Variants in MACROD2 observed in about 807,000 individuals in gnomAD.
MACROD2 encodes the protein mono-ADP ribosylhydrolase 2, also known as ADP-ribose glycohydrolase MACROD2.
A neutral mutation model predicts 70.4 loss-of-function variants in MACROD2; 36 were observed. The observed-to-expected ratio is 0.51, with a 90% CI of 0.39 to 0.68. The LOEUF is 0.68. Among genes scored for constraint, MACROD2 ranks in the 30% least tolerant of loss-of-function variants. The pLI is 0.00. For synonymous variants in MACROD2, 172 were observed against 178.8 expected (o/e 0.96, Z 0.30); for missense variants, 496 against 538.4 (o/e 0.92, Z 0.78).
intron 6 of MACROD2, among the ~76,000 whole-genome samples, chr20:15,390,866 A>G (rs1337074922): frequency 6.6e-6 from 1 of 152,260 alleles, no homozygotes; most frequent in Admixed American, 6.5e-5. Context: ...TATTTAAGTC[A>G]GAGAACTTAC....
chr20:15,498,968 T>C (rs1009326825), intron 7 of MACROD2, among the ~76,000 whole-genome samples: 1 of 152,320 alleles, frequency 6.6e-6, no homozygotes, highest in African/African-American at 2.4e-5. Context: ...GTAGCATAGT[T>C]ACTCCTATCT....
At chr20:14,779,332 G>A (rs2072271122) in intron 5 of MACROD2, among the ~76,000 whole-genome samples, 1 of 152,004 alleles carries the variant, frequency 6.6e-6, no homozygotes, top group African/African-American at 2.4e-5. Flanking sequence ...TAGACACATG[G>A]CACCTTTTAC....
intron 4 of MACROD2, among the ~76,000 whole-genome samples, chr20:14,676,996 G>C (rs908601627): frequency 6.6e-6 from 1 of 152,030 alleles, no homozygotes; most frequent in African/African-American, 2.4e-5. Flanking sequence ...TTAGAACTTT[G>C]TCTTGGTTCT....
At chr20:14,346,155 G>A (rs1028262107) in intron 3 of MACROD2, among the ~76,000 whole-genome samples, 1 of 147,478 alleles carries the variant, frequency 6.8e-6, no homozygotes, top group Non-Finnish European at 1.5e-5. Context: ...TGAAAATCAG[G>A]CTTGCATTTT....
At chr20:15,848,370 G>A (rs1471771253) in intron 8 of MACROD2, among the ~76,000 whole-genome samples, 2 of 151,944 alleles carry the variant, frequency 1.3e-5, no homozygotes, top group Admixed American at 1.3e-4. Context: ...AGGGGGAGGG[G>A]GGGGTCATCT....
chr20:14,307,803 T>G (rs1342717387), intron 3 of MACROD2, among the ~76,000 whole-genome samples: 2 of 152,180 alleles, frequency 1.3e-5, no homozygotes, highest in African/African-American at 2.4e-5. Context: ...ATTATTTGCC[T>G]CCTTTTCTAG....
intron 3 of MACROD2, among the ~76,000 whole-genome samples, chr20:14,376,292 G>A (rs2083369909): frequency 6.6e-6 from 1 of 151,704 alleles, no homozygotes; most frequent in African/African-American, 2.4e-5. Context: ...TTACACTTTT[G>A]CTAGTGTCGT....
chr20:15,598,119 C>T (rs535705006), intron 8 of MACROD2, among the ~76,000 whole-genome samples: 85 of 152,240 alleles, frequency 5.6e-4, no homozygotes, highest in African/African-American at 1.8e-3. Flanking sequence ...GAAGGATGAC[C>T]ACACCCCACT....
intron 17 of MACROD2, 109 bp from the exon 18 acceptor site, chr20:16,049,721 A>G (rs1414797070): frequency 9.4e-7 from 1 of 1,067,276 alleles, no homozygotes; most frequent in Non-Finnish European, 1.4e-6. Flanking sequence ...TTCTGGGCCT[A>G]TGTGAGGGGT....
chr20:14,804,892 T>TGTGTGTGTGA (rs1555832707), intron 5 of MACROD2, among the ~76,000 whole-genome samples: 1 of 148,628 alleles, frequency 6.7e-6, no homozygotes, highest in African/African-American at 2.5e-5. Flanking sequence ...TGTGTGTGTG[T>TGTGTGTGTGA]GAGAGAGAGA....
intron 5 of MACROD2, among the ~76,000 whole-genome samples, chr20:15,074,706 G>A (rs576024219): frequency 2.0e-5 from 3 of 152,090 alleles, no homozygotes; most frequent in African/African-American, 7.2e-5. Context: ...TTGCTTGCTT[G>A]GTGTGGAATG....
intron 4 of MACROD2, among the ~76,000 whole-genome samples, chr20:14,640,457 C>T (rs1040081119): frequency 6.6e-5 from 10 of 152,030 alleles, no homozygotes; most frequent in Admixed American, 3.3e-4. Flanking sequence ...AGGATGCAGA[C>T]ATATATACAT....
At chr20:15,707,007 G>A (rs922524127) in intron 8 of MACROD2, among the ~76,000 whole-genome samples, 3 of 152,110 alleles carry the variant, frequency 2.0e-5, no homozygotes, top group Non-Finnish European at 2.9e-5. Flanking sequence ...TTTGTAGCTG[G>A]ATTTACAAAG....
chr20:14,439,337 C>T (rs900603576), intron 3 of MACROD2, among the ~76,000 whole-genome samples: 1 of 152,082 alleles, frequency 6.6e-6, no homozygotes, highest in Non-Finnish European at 1.5e-5. Flanking sequence ...TGTGATGCCT[C>T]TAACCGTATT....
chr20:14,866,355 G>A (rs1163527192), intron 5 of MACROD2, among the ~76,000 whole-genome samples: 1 of 152,068 alleles, frequency 6.6e-6, no homozygotes, highest in Non-Finnish European at 1.5e-5. Flanking sequence ...CATCCAAAGT[G>A]CACTCCCTTC....
intron 3 of MACROD2, among the ~76,000 whole-genome samples, chr20:14,208,381 C>T (rs779135296): frequency 2.0e-5 from 3 of 152,158 alleles, no homozygotes; most frequent in Non-Finnish European, 4.4e-5. Context: ...GGGTACCTTT[C>T]TGGGATAGTG....
chr20:15,794,362 A>G (rs1186323582), intron 8 of MACROD2, among the ~76,000 whole-genome samples: 1 of 152,194 alleles, frequency 6.6e-6, no homozygotes, highest in Non-Finnish European at 1.5e-5. Context: ...TGAATAACAC[A>G]TACAAACAAA....
intron 2 of MACROD2, among the ~76,000 whole-genome samples, chr20:14,012,562 C>CA (rs2052926857): frequency 1.3e-5 from 2 of 152,238 alleles, no homozygotes; most frequent in South Asian, 4.1e-4. Context: ...TGAGGGATTG[C>CA]AGCTGCAGAC....
intron 5 of MACROD2, among the ~76,000 whole-genome samples, chr20:14,720,027 T>G (rs138575709): frequency 6.6e-6 from 1 of 152,330 alleles, no homozygotes; most frequent in Non-Finnish European, 1.5e-5. Flanking sequence ...ATGGTCTGCT[T>G]TGTAGACCAC....
Sources: gnomAD v4.1 joint callset for allele counts (sites outside exome capture counted in the v4.1 genomes callset) on GRCh38, gnomAD v4.1.1 for gene constraint, MANE v1.5 for transcripts, NCBI Gene and HGNC (gene_info 2026-07-23, HGNC 2026-07-21) for gene names.